TAFA2: variants seen among roughly 807,000 people sequenced by gnomAD.
TAFA2 encodes the protein chemokine-like protein TAFA-2.
TAFA2 carries 7 observed loss-of-function variants against 18.8 expected under a neutral mutation model. The observed-to-expected ratio is 0.37, with a 90% CI of 0.21 to 0.70. The LOEUF is 0.70. Ranked by LOEUF, TAFA2 falls within the 30% of genes least tolerant of loss-of-function variation. TAFA2 has a pLI of 0.53. For missense variants in TAFA2, 122 were observed against 158.1 expected, an observed-to-expected ratio of 0.77 and a Z score of 1.23; for synonymous variants, 60 against 54.2, an observed-to-expected ratio of 1.11 and a Z score of -0.47.
intron 1 of TAFA2, among the ~76,000 whole-genome samples, chr12:62,062,117 T>A (rs964647022): frequency 6.6e-6 from 1 of 152,070 alleles, no homozygotes; most frequent in Admixed American, 6.5e-5. Flanking sequence ...GAGGTTGCAC[T>A]GAGCTGAGAT....
At chr12:62,073,500 T>A (rs1220287575) in intron 1 of TAFA2, among the ~76,000 whole-genome samples, 1 of 151,348 alleles carries the variant, frequency 6.6e-6, no homozygotes, top group African/African-American at 2.4e-5. Flanking sequence ...GTTATTATCT[T>A]ATCTATATAT....
At chr12:61,742,712 T>C (rs982013001) in intron 4 of TAFA2, among the ~76,000 whole-genome samples, 3 of 152,108 alleles carry the variant, frequency 2.0e-5, no homozygotes, top group Non-Finnish European at 4.4e-5. Flanking sequence ...CCTCCAGATA[T>C]CTCTACCTCA....
chr12:61,872,800 C>T (rs1874674325), intron 1 of TAFA2, among the ~76,000 whole-genome samples: 1 of 152,122 alleles, frequency 6.6e-6, no homozygotes, highest in Non-Finnish European at 1.5e-5. Context: ...TTCATAATCA[C>T]CTTCACAGAG....
intron 2 of TAFA2, among the ~76,000 whole-genome samples, chr12:61,826,980 A>C (rs1228466505): frequency 6.6e-6 from 1 of 152,094 alleles, no homozygotes; most frequent in Non-Finnish European, 1.5e-5. Flanking sequence ...TCTACTATGC[A>C]TGCCCTCCTT....
intron 1 of TAFA2, among the ~76,000 whole-genome samples, chr12:61,893,812 A>G (rs1254202800): frequency 6.6e-6 from 1 of 152,246 alleles, no homozygotes; most frequent in Non-Finnish European, 1.5e-5. Flanking sequence ...GTTTCAAGAC[A>G]TTTTGATAGC....
chr12:61,724,790 T>TGTGTGTATACACCAGATGG (rs1870071717), intron 4 of TAFA2, among the ~76,000 whole-genome samples: 1 of 79,660 alleles, frequency 1.3e-5, no homozygotes, highest in Non-Finnish European at 2.9e-5. Context: ...TGTGTGTGTG[T>TGTGTGTATACACCAGATGG]GTGTGTGTGT....
At chr12:61,799,618 C>T (rs1440197670) in intron 2 of TAFA2, among the ~76,000 whole-genome samples, 1 of 152,106 alleles carries the variant, frequency 6.6e-6, no homozygotes, top group African/African-American at 2.4e-5. Context: ...GTCAGGAAAT[C>T]GAGACCATCC....
chr12:61,868,889 C>G (rs558847453), intron 1 of TAFA2, among the ~76,000 whole-genome samples: 33 of 152,182 alleles, frequency 2.2e-4, no homozygotes, highest in South Asian at 1.0e-3. Context: ...CCTGACTTTA[C>G]TTTTTTTGGG....
intron 2 of TAFA2, among the ~76,000 whole-genome samples, chr12:61,840,139 C>G (rs1873112977): frequency 6.6e-6 from 1 of 151,950 alleles, no homozygotes; most frequent in South Asian, 2.1e-4. Context: ...GGCAGTTATT[C>G]AAAACTGAAT....
At chr12:62,097,275 G>T (rs555651867) in intron 1 of TAFA2, among the ~76,000 whole-genome samples, 119 of 152,230 alleles carry the variant, frequency 7.8e-4, no homozygotes, top group African/African-American at 2.7e-3. Flanking sequence ...ATAGAAAGGA[G>T]CTTATTTGGA....
At chr12:62,119,984 A>G (rs1248194155) in intron 1 of TAFA2, among the ~76,000 whole-genome samples, 1 of 151,998 alleles carries the variant, frequency 6.6e-6, no homozygotes, top group Non-Finnish European at 1.5e-5. Context: ...GAGGCAGGAG[A>G]ATCACTTGAA....
chr12:61,826,000 T>A (rs1009201351), intron 2 of TAFA2, among the ~76,000 whole-genome samples: 29 of 152,042 alleles, frequency 1.9e-4, no homozygotes, highest in African/African-American at 6.8e-4. Context: ...TTTATATATA[T>A]CCTTTGAGCA....
At chr12:61,752,734 A>G (rs781751599) in intron 4 of TAFA2, among the ~76,000 whole-genome samples, 1 of 152,064 alleles carries the variant, frequency 6.6e-6, no homozygotes, top group African/African-American at 2.4e-5. Context: ...AGCCTCTTGT[A>G]TATGTCTGGA....
intron 2 of TAFA2, among the ~76,000 whole-genome samples, chr12:61,836,726 C>A (rs1872933546): frequency 1.3e-5 from 1 of 76,230 alleles, no homozygotes; most frequent in African/African-American, 3.9e-5. Context: ...GAATTGTTGC[C>A]AATTTGATAT....
intron 1 of TAFA2, among the ~76,000 whole-genome samples, chr12:61,924,571 C>T (rs1483788858): frequency 2.6e-5 from 4 of 152,150 alleles, no homozygotes; most frequent in African/African-American, 9.7e-5. Flanking sequence ...GCCTGCCTCA[C>T]AAGAGTTCTT....
intron 1 of TAFA2, among the ~76,000 whole-genome samples, chr12:61,975,820 T>G (rs917280552): frequency 1.3e-5 from 2 of 151,700 alleles, no homozygotes; most frequent in African/African-American, 2.4e-5. Context: ...GTGACTAAAG[T>G]TAATAACAAT....
chr12:62,016,825 G>A (rs1221524102), intron 1 of TAFA2, among the ~76,000 whole-genome samples: 1 of 152,150 alleles, frequency 6.6e-6, no homozygotes, highest in Non-Finnish European at 1.5e-5. Context: ...ACAAAAGGAT[G>A]AGACAAAAGA....
chr12:62,019,352 G>A (rs1881043478), intron 1 of TAFA2, among the ~76,000 whole-genome samples: 1 of 150,668 alleles, frequency 6.6e-6, no homozygotes, highest in South Asian at 2.1e-4. Flanking sequence ...TATAAATCAC[G>A]CTGCTATAAA....
chr12:61,787,074 T>C (rs549934995), intron 2 of TAFA2, among the ~76,000 whole-genome samples: 1 of 151,306 alleles, frequency 6.6e-6, no homozygotes, highest in Non-Finnish European at 1.5e-5. Context: ...ATGAAAAGAT[T>C]AGATGAAACA....
Sources: allele counts gnomAD v4.1 joint callset (sites outside exome capture counted in the v4.1 genomes callset), GRCh38; gene constraint gnomAD v4.1.1; transcripts MANE v1.5; gene names NCBI Gene and HGNC (gene_info 2026-07-23, HGNC 2026-07-21).